NBEA: variants seen among roughly 807,000 people sequenced by gnomAD.
NBEA encodes the protein lysosomal-trafficking regulator 2.
NBEA carries 44 observed loss-of-function variants against 343.4 expected under a neutral mutation model. That is an observed-to-expected ratio of 0.13 (90% confidence interval 0.10 to 0.16). NBEA has a LOEUF of 0.16. NBEA is among the 10% of genes least tolerant of loss of function. The probability of loss-of-function intolerance (pLI) is 1.00; values close to 1 mark genes in which losing one functional copy is unlikely to be tolerated. For synonymous variants in NBEA, 1,175 were observed against 1,238.7 expected, an observed-to-expected ratio of 0.95 and a Z score of 1.08; for missense variants, 2,555 against 3,631.3, an observed-to-expected ratio of 0.70 and a Z score of 7.62.
At chr13:35,018,169 A>G (rs984524590) in intron 1 of NBEA, among the ~76,000 whole-genome samples, 4 of 152,086 alleles carry the variant, frequency 2.6e-5, no homozygotes, top group African/African-American at 9.7e-5. Context: ...TAAGTCATAA[A>G]ATCTGGTAGT....
chr13:35,155,649 A>G, intron 18 of NBEA, 125 bp from the exon 19 acceptor site: 1 of 688,134 alleles, frequency 1.5e-6, no homozygotes, highest in Non-Finnish European at 2.4e-6. Flanking sequence ...AAGTCCCTTT[A>G]GAAGAGATGT....
At chr13:34,978,423 C>T (rs1163115458) in intron 1 of NBEA, among the ~76,000 whole-genome samples, 2 of 152,038 alleles carry the variant, frequency 1.3e-5, no homozygotes, top group Non-Finnish European at 2.9e-5. Context: ...TTTCTGGATC[C>T]GTTTAAACCA....
At chr13:35,068,586 A>G (rs982598591) in intron 8 of NBEA, among the ~76,000 whole-genome samples, 2 of 152,136 alleles carry the variant, frequency 1.3e-5, no homozygotes, top group Non-Finnish European at 2.9e-5. Context: ...AGTATTATCA[A>G]TGACATACTT....
At chr13:35,459,033 A>G (rs747541995) in intron 40 of NBEA, among the ~76,000 whole-genome samples, 12 of 127,370 alleles carry the variant, frequency 9.4e-5, no homozygotes, top group Non-Finnish European at 1.5e-4. Flanking sequence ...ACACACACAC[A>G]CACACTTACC....
chr13:35,264,404 A>T (rs567878828), intron 34 of NBEA, among the ~76,000 whole-genome samples: 1 of 151,966 alleles, frequency 6.6e-6, no homozygotes, highest in Admixed American at 6.6e-5. Context: ...CATATTACAA[A>T]CCCAGCATTT....
Position 35,238,318 on chromosome 13 carries a change from G to A in NBEA, c.5776+5699G>A, listed in dbSNP as rs533544744. Among the ~76,000 whole-genome samples, 8 of 152,218 alleles carry A rather than the reference G, an allele frequency of 5.3e-5. No individual in the cohort carries two copies. In the South Asian group the frequency reaches 1.2e-3, roughly 24 times the overall value. ...GAAATAAAATATAGTTGATCTTCAGGCAGCCTGGAAATGGGAGAGAAAAGT... is the reference window on the plus strand; with the variant it reads ...GAAATAAAATATAGTTGATCTTCAGACAGCCTGGAAATGGGAGAGAAAAGT... On this transcript the variant is annotated intron_variant, in intron 34 of 58. Coordinates refer to ENST00000379939, the MANE Select transcript of NBEA (RefSeq NM_001385012.1).
At chr13:34,996,827 T>C (rs2060958640) in intron 1 of NBEA, among the ~76,000 whole-genome samples, 2 of 152,182 alleles carry the variant, frequency 1.3e-5, no homozygotes, top group Non-Finnish European at 2.9e-5. Flanking sequence ...ATAGTATACA[T>C]GCTCATTGCA....
intron 46 of NBEA, among the ~76,000 whole-genome samples, chr13:35,591,412 A>G (rs1409738638): frequency 2.0e-5 from 3 of 152,100 alleles, no homozygotes; most frequent in African/African-American, 7.2e-5. Context: ...AGTGAAAGAC[A>G]TGTCATATAA....
intron 34 of NBEA, among the ~76,000 whole-genome samples, chr13:35,253,339 T>G (rs2032203040): frequency 6.6e-6 from 1 of 152,230 alleles, no homozygotes; most frequent in Non-Finnish European, 1.5e-5. Flanking sequence ...TCGTGTCTCT[T>G]TGTTGGCATT....
At chr13:35,140,239 C>A (rs1046801981) in intron 17 of NBEA, among the ~76,000 whole-genome samples, 2 of 151,738 alleles carry the variant, frequency 1.3e-5, no homozygotes, top group African/African-American at 4.8e-5. Flanking sequence ...ATCTCAAACT[C>A]ATGAGTTCAA....
intron 34 of NBEA, among the ~76,000 whole-genome samples, chr13:35,289,290 T>C (rs896898269): frequency 6.6e-6 from 1 of 151,918 alleles, no homozygotes; most frequent in Admixed American, 6.6e-5. Flanking sequence ...AGAAAAATGA[T>C]AGTATTTCTA....
intron 2 of NBEA, among the ~76,000 whole-genome samples, chr13:35,042,333 T>C (rs1013672750): frequency 6.6e-6 from 1 of 152,008 alleles, no homozygotes; most frequent in East Asian, 1.9e-4. Flanking sequence ...TTTCTTAAAA[T>C]ACCTTTTTAA....
At chr13:35,546,328 G>T (rs2079055591) in intron 41 of NBEA, among the ~76,000 whole-genome samples, 1 of 152,042 alleles carries the variant, frequency 6.6e-6, no homozygotes, top group Non-Finnish European at 1.5e-5. Context: ...AGCTGGTTTT[G>T]GTGGCACACG....
chr13:35,415,077 G>A (rs2043823151), intron 38 of NBEA, among the ~76,000 whole-genome samples: 1 of 152,162 alleles, frequency 6.6e-6, no homozygotes, highest in Admixed American at 6.5e-5. Context: ...TTTTGATGGG[G>A]TTGTTTGTTT....
At chr13:35,476,913 TG>T in intron 41 of NBEA, 1 of 659,734 alleles carries the variant, frequency 1.5e-6, no homozygotes, top group Non-Finnish European at 1.9e-6. Flanking sequence ...CTCTCAGCTT[TG>T]GTATTACTTG....
chr13:35,324,067 G>C (rs150614146), intron 36 of NBEA, among the ~76,000 whole-genome samples: 15 of 152,294 alleles, frequency 9.8e-5, no homozygotes, highest in African/African-American at 3.4e-4. Flanking sequence ...GGAGCCTAGA[G>C]TTGGCCTTTG....
intron 12 of NBEA, among the ~76,000 whole-genome samples, chr13:35,110,052 A>ATTTTTTTTTTTTTTTTTTTTTT (rs1566299499): frequency 1.3e-4 from 12 of 89,234 alleles, no homozygotes; most frequent in Non-Finnish European, 2.3e-4. Flanking sequence ...TTTTTTTTTT[A>ATTTTTTTTTTTTTTTTTTTTTT]AATGTTTTTT....
At position 35,643,844 on chromosome 13, in the gene NBEA, G is replaced by A. The variant is rs1242068945; in HGVS notation, c.7618-2025G>A. Among the ~76,000 whole-genome samples, 7 of 152,136 alleles carry A rather than the reference G, an allele frequency of 4.6e-5. No individual in the cohort carries two copies. The East Asian group carries it at 5.8e-4, about 13-fold the overall frequency. On this transcript the variant is annotated intron_variant, in intron 49 of 58. Transcript: ENST00000379939. ...TCATGGGTTGCAGAATGAGTTCTGC[G>A]TGTCACCAGGCAACCCTCCCATTCA... is the stretch of plus-strand genomic sequence containing the variant.
At chr13:35,016,499 T>TA (rs1287154924) in intron 1 of NBEA, among the ~76,000 whole-genome samples, 1 of 151,972 alleles carries the variant, frequency 6.6e-6, no homozygotes, top group African/African-American at 2.4e-5. Context: ...TGCAAACTGT[T>TA]ATCTATCAGG....
Sources: gnomAD v4.1 joint callset for allele counts (sites outside exome capture counted in the v4.1 genomes callset) on GRCh38, gnomAD v4.1.1 for gene constraint, MANE v1.5 for transcripts, NCBI Gene and HGNC (gene_info 2026-07-23, HGNC 2026-07-21) for gene names.